PIKFYVE: variants seen among roughly 807,000 people sequenced by gnomAD.
PIKFYVE encodes the protein 1-phosphatidylinositol 3-phosphate 5-kinase.
PIKFYVE carries 122 observed loss-of-function variants against 257.9 expected under a neutral mutation model. The observed-to-expected ratio is 0.47, with a 90% CI of 0.41 to 0.55. The LOEUF (loss-of-function observed/expected upper bound fraction) is 0.55, where lower values mean the gene tolerates loss of function less well. PIKFYVE is among the 20% of genes least tolerant of loss of function. The probability of loss-of-function intolerance (pLI) is 0.00; values close to 1 mark genes in which losing one functional copy is unlikely to be tolerated. For missense variants in PIKFYVE, 2,160 were observed against 2,536.6 expected, an observed-to-expected ratio of 0.85 and a Z score of 3.19; for synonymous variants, 892 against 868.9, an observed-to-expected ratio of 1.03 and a Z score of -0.47.
At chr2:208,299,826 G>A (rs1039047283) in intron 8 of PIKFYVE, among the ~76,000 whole-genome samples, 3 of 152,184 alleles carry the variant, frequency 2.0e-5, no homozygotes, top group East Asian at 1.9e-4. Context: ...GAAATGGAAG[G>A]TATGGCTGTG....
chr2:208,351,021 G>T, intron 37 of PIKFYVE, 74 bp downstream of exon 37: 3 of 1,566,238 alleles, frequency 1.9e-6, no homozygotes, highest in Non-Finnish European at 1.8e-6. Flanking sequence ...CAGCAGGAAG[G>T]ATATTGCTTA....
chr2:208,300,885 G>T, intron 8 of PIKFYVE, 52 bp from the exon 9 acceptor site: 1 of 1,606,920 alleles, frequency 6.2e-7, no homozygotes, highest in Non-Finnish European at 8.5e-7. Flanking sequence ...CATCTGAAAA[G>T]GTATATAGCA....
At position 208,335,472 on chromosome 2, in the gene PIKFYVE, A is replaced by G. The variant is rs1698028796; in HGVS notation, c.4256+53A>G. 5.4e-6 allele frequency: 7 copies of G among 1,299,214 alleles called. No homozygotes were observed. The South Asian group carries it at 8.5e-5, about 16-fold the overall frequency. 80.5% of individuals were successfully genotyped at this position (1,299,214 alleles called of 1,614,324 possible). ...TTTTGTTTATTTACAGCTATTTTAA[A>G]GTATCAGATTTATTCATTTTATTTT... On this transcript the variant is annotated intron_variant, in intron 25 of 41. Transcript: ENST00000264380.
chr2:208,333,578 T>G, intron 24 of PIKFYVE, 85 bp downstream of exon 24: 1 of 1,413,374 alleles, frequency 7.1e-7, no homozygotes, highest in Non-Finnish European at 9.8e-7. Flanking sequence ...ATTACTAGAT[T>G]GAATTAATTT....
chr2:208,348,666 T>G (rs1314995138), intron 35 of PIKFYVE, among the ~76,000 whole-genome samples: 1 of 146,950 alleles, frequency 6.8e-6, no homozygotes, highest in Non-Finnish European at 1.5e-5. Context: ...GGGTATGGGT[T>G]TAGATCAGGA....
intron 1 of PIKFYVE, among the ~76,000 whole-genome samples, chr2:208,268,602 A>C (rs1366366199): frequency 2.0e-5 from 3 of 151,236 alleles, no homozygotes; most frequent in Non-Finnish European, 4.4e-5. Context: ...TATAAAAAAA[A>C]CACAAACTTT....
chr2:208,325,677 C>A lies in PIKFYVE; in HGVS notation c.2866C>A (p.Gln956Lys). 5.0e-6 allele frequency: 8 copies of A among 1,614,128 alleles called. No homozygotes were observed. Among genetic ancestry groups the A allele is most frequent in the Non-Finnish European group, 6.8e-6 (8 of 1,180,026 alleles). ...GCAGGCTGTTGCCTCTGTGAAGCAT[C>A]AAGAACATAGCACAACAGCTTGCCC... ...LPQAVASVKH[Q>K]EHSTTACPAG... is the part of the protein sequence containing the mutation. The change falls in exon 20 of 42, where the codon CAA (glutamine) becomes AAA (lysine). Residue 956 changes from glutamine (Q) to lysine (K), a missense_variant. Gln to Lys is a moderately conservative substitution (Grantham distance 53, BLOSUM62 1). This residue lies in a region of PIKFYVE where 522 missense variants were observed against 514.6 expected (regional missense o/e 1.01). Coordinates refer to ENST00000264380, the MANE Select transcript of PIKFYVE (RefSeq NM_015040.4).
intron 7 of PIKFYVE, among the ~76,000 whole-genome samples, chr2:208,291,795 C>T (rs1692347754): frequency 6.6e-6 from 1 of 151,798 alleles, no homozygotes; most frequent in African/African-American, 2.4e-5. Context: ...TCTCTATTGA[C>T]TTCTTCTCTA....
Position 208,351,345 on chromosome 2 carries a change from C to T in PIKFYVE, c.5612-7C>T, listed in dbSNP as rs779041200. On this transcript the variant is annotated splice_region_variant and splice_polypyrimidine_tract_variant and intron_variant, in intron 37 of 41. Transcript: ENST00000264380. ...TTGAGTAAACACATAAAATTTCTGC[C>T]TTTTAGATGATAGATTTATTTTGAA... 1.2e-6 allele frequency: 2 copies of T among 1,602,808 alleles called. No individual in the cohort carries two copies. The highest frequency in any genetic ancestry group is 2.2e-5 in the East Asian group (1 of 44,814).
At chr2:208,289,068 G>C (rs76080447) in intron 7 of PIKFYVE, among the ~76,000 whole-genome samples, 2 of 152,184 alleles carry the variant, frequency 1.3e-5, no homozygotes, top group Non-Finnish European at 2.9e-5. Flanking sequence ...TAAATAAGAC[G>C]TGAAGGATGT....
intron 23 of PIKFYVE, among the ~76,000 whole-genome samples, chr2:208,333,104 C>T (rs571043522): frequency 3.3e-5 from 5 of 151,864 alleles, no homozygotes; most frequent in South Asian, 2.1e-4. Context: ...CGTGGTGGCG[C>T]GTGCCTGTAG....
chr2:208,324,398 A>G (rs2125573192), intron 18 of PIKFYVE, 116 bp downstream of exon 18: 2 of 1,107,426 alleles, frequency 1.8e-6, no homozygotes, highest in Admixed American at 2.2e-5. Flanking sequence ...TTGTATTGAA[A>G]GTGGGACAGA....
intron 12 of PIKFYVE, among the ~76,000 whole-genome samples, chr2:208,310,674 C>T (rs1333622400): frequency 2.0e-5 from 3 of 151,942 alleles, no homozygotes; most frequent in East Asian, 1.9e-4. Flanking sequence ...GATTGTACTC[C>T]GAATGTGGGA....
intron 12 of PIKFYVE, among the ~76,000 whole-genome samples, chr2:208,311,040 G>T (rs1210668963): frequency 6.6e-6 from 1 of 152,140 alleles, no homozygotes; most frequent in Non-Finnish European, 1.5e-5. Context: ...TCGGGGGGAA[G>T]AAACATACAC....
intron 4 of PIKFYVE, 104 bp downstream of exon 4, chr2:208,276,934 G>A (rs1271283281): frequency 1.3e-5 from 11 of 850,548 alleles, no homozygotes; most frequent in African/African-American, 5.1e-5. Context: ...CTTAATTAGC[G>A]CTTCCTCCAG....
At chr2:208,342,678 T>A (rs755509626) in intron 32 of PIKFYVE, 29 bp downstream of exon 32, 1 of 1,508,414 alleles carries the variant, frequency 6.6e-7, no homozygotes. Flanking sequence ...TGACTTATGA[T>A]GATATCTATG....
At chr2:208,331,852 T>A (rs994057869) in intron 23 of PIKFYVE, among the ~76,000 whole-genome samples, 3 of 152,236 alleles carry the variant, frequency 2.0e-5, no homozygotes, top group Admixed American at 1.3e-4. Context: ...AGTTTCATAA[T>A]TGTTCTTACC....
In PIKFYVE at chr2:208,330,704, C is replaced by A. The variant is rs765546579; in HGVS notation, c.3963+10C>A. On this transcript the variant is annotated intron_variant, in intron 23 of 41. Coordinates refer to ENST00000264380, the MANE Select transcript of PIKFYVE (RefSeq NM_015040.4). ...TAGAATCTGCAAACAGGTAAATAGA[C>A]CCTATTACTATATTTTGTTTGCCAT... 4.4e-6 allele frequency: 7 copies of A among 1,609,024 alleles called. No individual in the cohort carries two copies. The highest frequency in any genetic ancestry group is 3.3e-5 in the Admixed American group (2 of 59,872).
chr2:208,309,211 T>A (rs1363601043), intron 12 of PIKFYVE, among the ~76,000 whole-genome samples: 1 of 152,122 alleles, frequency 6.6e-6, no homozygotes. Context: ...CTGGAAAGAA[T>A]GGCTAGCGTG....
Sources: allele counts gnomAD v4.1 joint callset (sites outside exome capture counted in the v4.1 genomes callset), GRCh38; gene constraint gnomAD v4.1.1; regional missense constraint gnomAD v4.1.1; transcripts MANE v1.5; gene names NCBI Gene and HGNC (gene_info 2026-07-23, HGNC 2026-07-21).